The following INPP1 variants were observed in gnomAD, a reference collection of about 807,000 sequenced individuals.
INPP1 encodes the protein inositol polyphosphate 1-phosphatase.
INPP1 carries 18 observed loss-of-function variants against 23.0 expected under a neutral mutation model. That is an observed-to-expected ratio of 0.78 (90% CI 0.54 to 1.16). INPP1 has a LOEUF of 1.16. Ranked by LOEUF, INPP1 falls within the 50% of genes most tolerant of loss-of-function variation. The probability of loss-of-function intolerance (pLI) is 0.00; values close to 1 mark genes in which losing one functional copy is unlikely to be tolerated. For synonymous variants in INPP1, 164 were observed against 176.3 expected, an observed-to-expected ratio of 0.93 and a Z score of 0.55; for missense variants, 448 against 482.1, an observed-to-expected ratio of 0.93 and a Z score of 0.66.
intron 1 of INPP1, among the ~76,000 whole-genome samples, chr2:190,348,042 G>A (rs1689254924): frequency 1.3e-5 from 2 of 152,242 alleles, no homozygotes; most frequent in African/African-American, 4.8e-5. Flanking sequence ...GGGGGCTAAG[G>A]CAGGAGAATC....
chr2:190,366,419 G>GTCTGTCTCTCTTGC (rs779592981), intron 4 of INPP1, among the ~76,000 whole-genome samples: 2 of 23,774 alleles, frequency 8.4e-5, no homozygotes, highest in Non-Finnish European at 1.5e-4. Flanking sequence ...CTCTCACTCT[G>GTCTGTCTCTCTTGC]TCTCACTCTG....
chr2:190,365,282 T>C, intron 4 of INPP1: 1 of 160,692 alleles, frequency 6.2e-6, no homozygotes, highest in Middle Eastern at 5.2e-4. Flanking sequence ...GAGCTATTTA[T>C]ATGTATACCA....
chr2:190,360,934 G>A (rs1391490518), intron 3 of INPP1, among the ~76,000 whole-genome samples: 1 of 152,062 alleles, frequency 6.6e-6, no homozygotes, highest in Non-Finnish European at 1.5e-5. Flanking sequence ...ACACAAAGAT[G>A]TTTATATGTT....
intron 2 of INPP1, among the ~76,000 whole-genome samples, chr2:190,357,541 T>A (rs1223159922): frequency 6.6e-6 from 1 of 152,236 alleles, no homozygotes; most frequent in African/African-American, 2.4e-5. Context: ...TATTTCCATA[T>A]TATTAAATAT....
At position 190,371,020 on chromosome 2, in the gene INPP1, A is replaced by C; in HGVS notation, c.818A>C (p.Lys273Thr). 1 of 1,614,214 alleles carries C rather than the reference A, an allele frequency of 6.2e-7. No homozygotes were observed. The change falls in exon 7 of 7, where the codon AAA (lysine) becomes ACA (threonine). Residue 273 changes from lysine (K) to threonine (T), a missense_variant. Transcript: ENST00000392329. The surrounding 1 kb of genome is among the most constrained non-coding windows in gnomAD (Gnocchi z 5.3). ...AGTACAAGTGAAAAGGAGACTATCA[A>C]AGCTGCATTGTCACGTGTGTGTGGA... ...VISTSEKETI[K>T]AALSRVCGDR...
Position 190,354,925 on chromosome 2 carries a change from G to GGTGTGTGTGTGTGTGTGTGT in INPP1, c.-64-5112_-64-5093dup, listed in dbSNP as rs71027214. Among the ~76,000 whole-genome samples, 76 of 146,620 alleles carry GGTGTGTGTGTGTGTGTGTGT rather than the reference G, an allele frequency of 5.2e-4. No individual in the cohort carries two copies. The highest frequency in any genetic ancestry group is 3.5e-3 in the Middle Eastern group (1 of 282). On this transcript the variant is annotated intron_variant, in intron 2 of 6. Coordinates refer to ENST00000392329, the MANE Select transcript of INPP1 (RefSeq NM_001128928.2). This position sits in a 1 kb window ranked among gnomAD's most constrained non-coding sequence, Gnocchi z 4.8. ...AACCTAGTGACAGATATCAACTAGG[G>GGTGTGTGTGTGTGTGTGTGT]GTGTGTGTGTGTGTGTGTGTGCATT...
At position 190,371,340 on chromosome 2, in the gene INPP1, C is replaced by T. The variant is rs777831500; in HGVS notation, c.1138C>T (p.Arg380Trp). ...GGLIAYRSRK[R>W]LETFLSLLVQ... Reference sequence around the variant, plus strand: ...ACTCATTGCATACAGATCCAGGAAGCGGCTGGAGACATTCCTGAGCCTCCT... The same window carrying T: ...ACTCATTGCATACAGATCCAGGAAGTGGCTGGAGACATTCCTGAGCCTCCT... The change falls in exon 7 of 7, where the codon CGG becomes TGG. Residue 380 changes from arginine to tryptophan, a missense_variant. Arg to Trp is a moderately radical substitution (Grantham distance 101, BLOSUM62 -3). Coordinates refer to ENST00000392329, the MANE Select transcript of INPP1 (RefSeq NM_001128928.2). This position sits in a 1 kb window ranked among gnomAD's most constrained non-coding sequence, Gnocchi z 5.3. 2.6e-5 allele frequency: 41 copies of T among 1,562,320 alleles called. No individual in the cohort carries two copies. Among genetic ancestry groups the T allele is most frequent in the Middle Eastern group, 3.7e-4 (2 of 5,412 alleles).
At position 190,367,351 on chromosome 2, in the gene INPP1, A is replaced by G. The variant is rs1306250387; in HGVS notation, c.466+456A>G. On this transcript the variant is annotated intron_variant, in intron 5 of 6. Transcript: ENST00000392329. This position sits in a 1 kb window ranked among gnomAD's most constrained non-coding sequence, Gnocchi z 4.1. ...ATTTTTAAAGAGAAACCAAAATCCA[A>G]GGTTTTCAGCGATATATCCCAATTT... 2.0e-5 allele frequency among the ~76,000 whole-genome samples: 3 copies of G among 152,194 alleles called. No homozygotes were observed. The highest frequency in any genetic ancestry group is 7.2e-5 in the African/African-American group (3 of 41,432).
intron 1 of INPP1, among the ~76,000 whole-genome samples, chr2:190,347,114 C>T (rs763314200): frequency 5.5e-5 from 8 of 145,016 alleles, no homozygotes; most frequent in African/African-American, 1.3e-4. Context: ...CAGGTTCAAG[C>T]GATTCTCCTG....
chr2:190,358,446 G>GACCTCAAGTGATCC (rs1283558481), intron 2 of INPP1, among the ~76,000 whole-genome samples: 2 of 152,182 alleles, frequency 1.3e-5, no homozygotes, highest in African/African-American at 4.8e-5. Context: ...CTGAACTCCT[G>GACCTCAAGTGATCC]ACCTCAAGTG....
At chr2:190,364,154 G>T (rs1689589421) in intron 4 of INPP1, among the ~76,000 whole-genome samples, 1 of 152,192 alleles carries the variant, frequency 6.6e-6, no homozygotes, top group Non-Finnish European at 1.5e-5. Context: ...AAATTTGACT[G>T]TTTCTTGCTG....
In INPP1 at chr2:190,354,925, G is replaced by GGTGTGTGTGTGTGTGTGT. The variant is rs71027214; in HGVS notation, c.-64-5110_-64-5093dup. 0.017 allele frequency among the ~76,000 whole-genome samples: 2,487 copies of GGTGTGTGTGTGTGTGTGT among 146,574 alleles called. 56 individuals are homozygous for GGTGTGTGTGTGTGTGTGT. The highest frequency in any genetic ancestry group is 0.043 in the African/African-American group (1,704 of 39,382). ...AACCTAGTGACAGATATCAACTAGGGGTGTGTGTGTGTGTGTGTGTGCATT... is the reference window on the plus strand; with the variant it reads ...AACCTAGTGACAGATATCAACTAGGGGTGTGTGTGTGTGTGTGTGTGTGTGTGTGTGTGTGTGTGCATT... On this transcript the variant is annotated intron_variant, in intron 2 of 6. Coordinates refer to ENST00000392329, the MANE Select transcript of INPP1 (RefSeq NM_001128928.2). The surrounding 1 kb of genome is among the most constrained non-coding windows in gnomAD (Gnocchi z 4.8).
At chr2:190,369,358 T>C in intron 6 of INPP1, 81 bp downstream of exon 6, 1 of 678,964 alleles carries the variant, frequency 1.5e-6, no homozygotes. Flanking sequence ...ATTATCACTA[T>C]ATGACATTCC....
At chr2:190,348,052 C>A (rs184809638) in intron 1 of INPP1, among the ~76,000 whole-genome samples, 3 of 152,174 alleles carry the variant, frequency 2.0e-5, no homozygotes, top group Non-Finnish European at 2.9e-5. Flanking sequence ...GCAGGAGAAT[C>A]GCTTGAACCT....
rs927771722 is a variant in INPP1, at chr2:190,356,148, A to G, written c.-64-3891A>G. On this transcript the variant is annotated intron_variant, in intron 2 of 6. Transcript: ENST00000392329. The surrounding 1 kb of genome is among the most constrained non-coding windows in gnomAD (Gnocchi z 6.4). Reference sequence around the variant, plus strand: ...CCTGTGTGAACTGAGTTGAGGATACATGGAGAGCCAGGGCCTTGGAGAAAG... The same window carrying G: ...CCTGTGTGAACTGAGTTGAGGATACGTGGAGAGCCAGGGCCTTGGAGAAAG... Among the ~76,000 whole-genome samples, 1 of 152,216 alleles carries G rather than the reference A, an allele frequency of 6.6e-6. No individual in the cohort carries two copies. Among genetic ancestry groups the G allele is most frequent in the Non-Finnish European group, 1.5e-5 (1 of 68,040 alleles).
chr2:190,370,750 T>C, intron 6 of INPP1, 94 bp from the exon 7 acceptor site: 1 of 827,164 alleles, frequency 1.2e-6, no homozygotes, highest in South Asian at 1.7e-5. Flanking sequence ...TTATGATGAA[T>C]TGTGTATTTC....
At position 190,371,252 on chromosome 2, in the gene INPP1, G is replaced by T. The variant is rs138606587; in HGVS notation, c.1050G>T (p.Gln350His). 63 of 1,612,982 alleles carry T rather than the reference G, an allele frequency of 3.9e-5. No individual in the cohort carries two copies. The African/African-American group carries it at 7.9e-4, about 20-fold the overall frequency. ...CAGAAACAGGGCTTGATTTGCCACA[G>T]TTGGTGTACCACGTGGAAAATGAGG... ...RNPETGLDLP[Q>H]LVYHVENEGA... Residue 350 changes from glutamine to histidine, a missense_variant, in exon 7 of 7, where the codon CAG becomes CAT. Gln to His is a conservative substitution (Grantham distance 24, BLOSUM62 0). Coordinates refer to ENST00000392329, the MANE Select transcript of INPP1 (RefSeq NM_001128928.2). This position sits in a 1 kb window ranked among gnomAD's most constrained non-coding sequence, Gnocchi z 5.3.
In INPP1 at chr2:190,363,710, T is replaced by C. The variant is rs1689580210; in HGVS notation, c.265+1023T>C. Among the ~76,000 whole-genome samples the C allele has an allele frequency of 6.6e-6, 1 of 152,212 alleles. No homozygotes were observed. Among genetic ancestry groups the C allele is most frequent in the African/African-American group, 2.4e-5 (1 of 41,442 alleles). On this transcript the variant is annotated intron_variant, in intron 4 of 6. Coordinates refer to ENST00000392329, the MANE Select transcript of INPP1 (RefSeq NM_001128928.2). This position sits in a 1 kb window ranked among gnomAD's most constrained non-coding sequence, Gnocchi z 4.4. ...TTAGTAATACGGGAAAGAAATCTTTTAAACCTCTGAAGGTTAAAAATAACA... is the reference window on the plus strand; with the variant it reads ...TTAGTAATACGGGAAAGAAATCTTTCAAACCTCTGAAGGTTAAAAATAACA...
intron 5 of INPP1, 66 bp downstream of exon 5, chr2:190,366,961 G>T (rs1689692292): frequency 3.9e-6 from 4 of 1,037,640 alleles, no homozygotes; most frequent in Non-Finnish European, 5.9e-6. Flanking sequence ...GTTGGGGATG[G>T]GTGTTGGAAA....
Sources: gnomAD v4.1 joint callset for allele counts (sites outside exome capture counted in the v4.1 genomes callset) on GRCh38, gnomAD v4.1.1 for gene constraint, Gnocchi (gnomAD v3.1) non-coding constraint, MANE v1.5 for transcripts, NCBI Gene and HGNC (gene_info 2026-07-23, HGNC 2026-07-21) for gene names.